SEC24D: variants seen among roughly 807,000 people sequenced by gnomAD.
SEC24D encodes protein transport protein Sec24D.
Under a neutral mutation model 116.9 loss-of-function variants are expected in SEC24D, and 69 were observed. The ratio of observed to expected loss-of-function variants is 0.59; its 90% CI spans 0.49 to 0.72. The LOEUF is 0.72. Among genes scored for constraint, SEC24D ranks in the 30% least tolerant of loss-of-function variants. The pLI is 0.00. For missense variants in SEC24D, 1,131 were observed against 1,264.1 expected (o/e 0.89, Z 1.60); for synonymous variants, 405 against 442.8 (o/e 0.91, Z 1.07).
rs1390520824 is a variant in SEC24D at position 118,815,011 on chromosome 4, G to A, written c.801+17C>T. 1 of 1,611,876 alleles carries A rather than the reference G, an allele frequency of 6.2e-7. No individual in the cohort carries two copies. Among genetic ancestry groups the A allele is most frequent in the South Asian group, 1.1e-5 (1 of 90,650 alleles). ...CTCCTTTGTGAGTGAGACTGTGAGA[G>A]TGAGAAGAGTACTTACTGGGCTAGG... On this transcript the variant is annotated intron_variant, in intron 6 of 22. Coordinates refer to ENST00000280551, the MANE Select transcript of SEC24D (RefSeq NM_014822.4).
intron 13 of SEC24D, among the ~76,000 whole-genome samples, chr4:118,750,661 GAGA>G (rs1215239959): frequency 2.6e-5 from 4 of 152,158 alleles, no homozygotes; most frequent in Admixed American, 2.0e-4. Flanking sequence ...TATTGGAGGA[GAGA>G]AGAACAAAAA....
At chr4:118,801,471 T>C (rs1400332036) in intron 7 of SEC24D, among the ~76,000 whole-genome samples, 1 of 152,148 alleles carries the variant, frequency 6.6e-6, no homozygotes, top group Non-Finnish European at 1.5e-5. Context: ...GTAAAGGAAC[T>C]CTTAGGTAAT....
Position 118,740,995 on chromosome 4 carries a change from C to A in SEC24D, c.2038G>T (p.Asp680Tyr). The change falls in exon 16 of 23, where the codon GAT (aspartate) becomes TAT (tyrosine). Residue 680 changes from aspartate (D) to tyrosine (Y), a missense_variant. Coordinates refer to ENST00000280551, the MANE Select transcript of SEC24D (RefSeq NM_014822.4). ...RQQFLNDLRN[D>Y]IEKKIGFDAI... ...TCAAAGCCTATTTTCTTTTCAATAT[C>A]ATTTCTGAGGTCGTTCAAAAATTGT... The A allele has an allele frequency of 1.9e-6, 3 of 1,592,790 alleles. No homozygotes were observed. The highest frequency in any genetic ancestry group is 2.6e-6 in the Non-Finnish European group (3 of 1,167,504).
At chr4:118,821,158 G>A (rs1055271711) in intron 3 of SEC24D, among the ~76,000 whole-genome samples, 1 of 152,190 alleles carries the variant, frequency 6.6e-6, no homozygotes, top group Non-Finnish European at 1.5e-5. Context: ...TCCTAGCATC[G>A]TTCTCCACAC....
chr4:118,775,474 C>T (rs370474602), intron 8 of SEC24D, among the ~76,000 whole-genome samples: 3 of 151,638 alleles, frequency 2.0e-5, no homozygotes, highest in African/African-American at 7.3e-5. Flanking sequence ...CCAGTGAGAA[C>T]AGCTTAACAC....
intron 13 of SEC24D, among the ~76,000 whole-genome samples, chr4:118,749,789 A>G (rs1726733629): frequency 6.6e-6 from 1 of 152,180 alleles, no homozygotes; most frequent in African/African-American, 2.4e-5. Context: ...CCTCTGCATG[A>G]AACTGGCATT....
chr4:118,814,593 A>T (rs115271785), intron 6 of SEC24D, among the ~76,000 whole-genome samples: 6,644 of 152,188 alleles, frequency 0.044, 200 homozygotes, highest in Non-Finnish European at 0.063. Flanking sequence ...ATTAAAAAAA[A>T]TTTGTTTTTT....
chr4:118,763,044 T>C (rs1446868257), intron 10 of SEC24D, among the ~76,000 whole-genome samples: 1 of 152,228 alleles, frequency 6.6e-6, no homozygotes, highest in East Asian at 1.9e-4. Flanking sequence ...TTAGTTACAA[T>C]GGCTTTCTTA....
intron 6 of SEC24D, among the ~76,000 whole-genome samples, chr4:118,806,929 ATAAGC>A (rs373806376): frequency 1.3e-4 from 20 of 152,202 alleles, no homozygotes; most frequent in Non-Finnish European, 2.5e-4. Flanking sequence ...CAAGGCTGCA[ATAAGC>A]TATGATCGTG....
At chr4:118,812,001 A>ATTT (rs1231034995) in intron 6 of SEC24D, among the ~76,000 whole-genome samples, 1 of 152,116 alleles carries the variant, frequency 6.6e-6, no homozygotes, top group Non-Finnish European at 1.5e-5. Flanking sequence ...CAGTCTTGGG[A>ATTT]CTTGCTTTGG....
At chr4:118,730,629 T>C (rs1031554717) in intron 21 of SEC24D, 1 of 152,290 alleles carries the variant, frequency 6.6e-6, no homozygotes, top group African/African-American at 2.4e-5. Context: ...AACAATGGTC[T>C]ACAAATAACG....
In SEC24D at chr4:118,784,739, G is replaced by GCC. The variant is rs35053926; in HGVS notation, c.1041+12942_1041+12943dup. ...GGTACTGCTCATAACATCCTTCCCT[G>GCC]CCCCCCCCCCCGCCACCAAATACAC... On this transcript the variant is annotated intron_variant, in intron 8 of 22. Transcript: ENST00000280551. Among the ~76,000 whole-genome samples, 323 of 132,264 alleles carry GCC rather than the reference G, an allele frequency of 2.4e-3. 6 individuals are homozygous for GCC. The highest frequency in any genetic ancestry group is 6.6e-3 in the African/African-American group (226 of 34,334). The allele number at this position is 132,264 out of a possible 152,430, so 86.8% of individuals were successfully genotyped here. A position where few individuals can be genotyped will look rare whatever the true frequency, so the allele number is the denominator to read the frequency against.
chr4:118,778,655 T>C (rs576133993), intron 8 of SEC24D, among the ~76,000 whole-genome samples: 1 of 152,346 alleles, frequency 6.6e-6, no homozygotes, highest in African/African-American at 2.4e-5. Flanking sequence ...ATTGGTAGCT[T>C]GACGAGGATG....
intron 3 of SEC24D, among the ~76,000 whole-genome samples, chr4:118,823,180 G>T (rs966977912): frequency 3.9e-5 from 6 of 152,154 alleles, no homozygotes; most frequent in African/African-American, 1.4e-4. Flanking sequence ...ACTCAGGGCA[G>T]TAGTTTCAGG....
intron 18 of SEC24D, 26 bp from the exon 19 acceptor site, chr4:118,738,405 C>T (rs1726073936): frequency 6.7e-7 from 1 of 1,494,940 alleles, no homozygotes; most frequent in Non-Finnish European, 9.3e-7. Context: ...ATGAAAAGGA[C>T]ATGAGTTTTA....
chr4:118,751,041 A>T (rs939968061), intron 13 of SEC24D, among the ~76,000 whole-genome samples: 1 of 152,088 alleles, frequency 6.6e-6, no homozygotes, highest in Non-Finnish European at 1.5e-5. Flanking sequence ...TATTATTACT[A>T]AGCATTTTAT....
At chr4:118,823,265 C>T (rs942257819) in intron 3 of SEC24D, among the ~76,000 whole-genome samples, 1 of 152,172 alleles carries the variant, frequency 6.6e-6, no homozygotes, top group Non-Finnish European at 1.5e-5. Context: ...CCTCTGCATC[C>T]CATAGCTACC....
rs566155728 is a variant in SEC24D at position 118,818,316 on chromosome 4, G to C, written c.249-904C>G. ...TGGAAACTATTTCCCCATGGCCCATGTCTTGCCTTCTGCCCCCTACTGCCA... is the reference window on the plus strand; with the variant it reads ...TGGAAACTATTTCCCCATGGCCCATCTCTTGCCTTCTGCCCCCTACTGCCA... On this transcript the variant is annotated intron_variant, in intron 3 of 22. Coordinates refer to ENST00000280551, the MANE Select transcript of SEC24D (RefSeq NM_014822.4). Among the ~76,000 whole-genome samples, 3 of 152,226 alleles carry C rather than the reference G, an allele frequency of 2.0e-5. 1 individual carries two copies. The highest frequency in any genetic ancestry group is 7.2e-5 in the African/African-American group (3 of 41,542).
At chr4:118,742,275 A>G (rs898131664) in intron 15 of SEC24D, among the ~76,000 whole-genome samples, 3 of 152,178 alleles carry the variant, frequency 2.0e-5, no homozygotes, top group Non-Finnish European at 4.4e-5. Flanking sequence ...ACTACCATGT[A>G]GATGATCACA....
Sources: allele counts gnomAD v4.1 joint callset (sites outside exome capture counted in the v4.1 genomes callset), GRCh38; gene constraint gnomAD v4.1.1; transcripts MANE v1.5; gene names NCBI Gene and HGNC (gene_info 2026-07-23, HGNC 2026-07-21).